The following KCNH7 variants were observed in gnomAD, a reference collection of about 807,000 sequenced individuals.
KCNH7 encodes the protein voltage-gated inwardly rectifying potassium channel KCNH7.
A neutral mutation model predicts 120.8 loss-of-function variants in KCNH7; 49 were observed. The observed-to-expected ratio is 0.41, with a 90% CI of 0.32 to 0.51. KCNH7 has a LOEUF of 0.51. Among genes scored for constraint, KCNH7 ranks in the 20% least tolerant of loss-of-function variants. KCNH7 has a pLI of 0.38. For missense variants in KCNH7, 1,097 were observed against 1,446.6 expected (o/e 0.76, Z 3.92); for synonymous variants, 547 against 516.1 (o/e 1.06, Z -0.81).
intron 2 of KCNH7, among the ~76,000 whole-genome samples, chr2:162,614,005 A>G (rs1044352469): frequency 2.0e-5 from 3 of 151,942 alleles, no homozygotes; most frequent in African/African-American, 7.2e-5. Context: ...GAGTACAAAG[A>G]AACTGAGCCT....
rs77620241 is a variant in KCNH7 at position 162,377,942 on chromosome 2, A to G, written c.3131+1911T>C. Among the ~76,000 whole-genome samples the G allele has an allele frequency of 6.7e-3, 1,021 of 152,312 alleles. 8 individuals carry two copies. Among genetic ancestry groups the G allele is most frequent in the African/African-American group, 0.024 (981 of 41,574 alleles). On this transcript the variant is annotated intron_variant, in intron 14 of 15. Coordinates refer to ENST00000332142, the MANE Select transcript of KCNH7 (RefSeq NM_033272.4). ...GGTGATTGCACGCCAAATGGATCATAAATGTGCCCTTAGAACAAATGTTTT... is the reference window on the plus strand; with the variant it reads ...GGTGATTGCACGCCAAATGGATCATGAATGTGCCCTTAGAACAAATGTTTT...
chr2:162,445,924 A>C, intron 7 of KCNH7, 94 bp downstream of exon 7: 2 of 941,790 alleles, frequency 2.1e-6, no homozygotes, highest in South Asian at 1.8e-5. Flanking sequence ...GAGATACAAG[A>C]AGCTTGCAAA....
At chr2:162,594,953 G>A (rs1694327882) in intron 2 of KCNH7, among the ~76,000 whole-genome samples, 1 of 152,000 alleles carries the variant, frequency 6.6e-6, no homozygotes, top group Non-Finnish European at 1.5e-5. Context: ...CCATGATCAA[G>A]TGGGATTTAT....
intron 3 of KCNH7, among the ~76,000 whole-genome samples, chr2:162,527,041 G>A (rs79160416): frequency 0.08 from 12,141 of 151,982 alleles, 521 homozygotes; most frequent in East Asian, 0.12. Flanking sequence ...TCCGTTCGGG[G>A]TCCCTGACTT....
intron 2 of KCNH7, among the ~76,000 whole-genome samples, chr2:162,575,695 A>G (rs977418131): frequency 1.3e-5 from 2 of 152,088 alleles, no homozygotes; most frequent in Admixed American, 1.3e-4. Flanking sequence ...GGCCACTATT[A>G]TCTGCTCAGT....
intron 6 of KCNH7, 50 bp from the exon 7 acceptor site, chr2:162,446,493 T>C (rs199964405): frequency 7.3e-7 from 1 of 1,361,636 alleles, no homozygotes; most frequent in Non-Finnish European, 1.0e-6. Context: ...CCATTTTTAA[T>C]CTGGTAAACC....
chr2:162,572,159 C>T (rs981691244), intron 2 of KCNH7, among the ~76,000 whole-genome samples: 23 of 151,986 alleles, frequency 1.5e-4, no homozygotes, highest in African/African-American at 5.3e-4. Context: ...TGACAAAGGG[C>T]TAATATCCAG....
chr2:162,517,660 CA>C, intron 4 of KCNH7, 69 bp downstream of exon 4: 3 of 1,300,640 alleles, frequency 2.3e-6, no homozygotes, highest in Non-Finnish European at 3.2e-6. Flanking sequence ...GTTGAAATTT[CA>C]AACAATATGC....
intron 2 of KCNH7, among the ~76,000 whole-genome samples, chr2:162,661,046 T>G (rs1216935438): frequency 1.3e-5 from 2 of 152,230 alleles, no homozygotes; most frequent in African/African-American, 4.8e-5. Context: ...ATTATTATTT[T>G]GAAGAAACTA....
At chr2:162,649,959 G>A (rs753518589) in intron 2 of KCNH7, among the ~76,000 whole-genome samples, 6 of 152,256 alleles carry the variant, frequency 3.9e-5, no homozygotes, top group African/African-American at 9.6e-5. Flanking sequence ...ATTAGGTAAA[G>A]CAAAGGAATG....
chr2:162,566,296 T>A (rs1267848646), intron 2 of KCNH7, among the ~76,000 whole-genome samples: 1 of 152,098 alleles, frequency 6.6e-6, no homozygotes. Flanking sequence ...TCTGTTTTTG[T>A]GTAAAGCATG....
chr2:162,657,147 T>C (rs1032660543), intron 2 of KCNH7, among the ~76,000 whole-genome samples: 4 of 152,226 alleles, frequency 2.6e-5, no homozygotes, highest in Non-Finnish European at 4.4e-5. Context: ...TGAACCTACA[T>C]TGATGTACCA....
At chr2:162,776,023 G>T (rs1171414676) in intron 2 of KCNH7, among the ~76,000 whole-genome samples, 1 of 152,156 alleles carries the variant, frequency 6.6e-6, no homozygotes, top group East Asian at 1.9e-4. Context: ...ACAACATCTG[G>T]CTCATAAGCA....
intron 2 of KCNH7, among the ~76,000 whole-genome samples, chr2:162,747,959 G>A (rs923475970): frequency 2.6e-5 from 4 of 152,048 alleles, no homozygotes; most frequent in Non-Finnish European, 4.4e-5. Flanking sequence ...GGCTTTCTTG[G>A]CAGCCCCTTT....
intron 12 of KCNH7, among the ~76,000 whole-genome samples, chr2:162,393,256 G>T (rs1280847740): frequency 6.6e-6 from 1 of 151,972 alleles, no homozygotes; most frequent in African/African-American, 2.4e-5. Context: ...TTTAGGAAAT[G>T]TTGAGTTCGA....
At chr2:162,568,397 C>A (rs1405434701) in intron 2 of KCNH7, among the ~76,000 whole-genome samples, 1 of 151,976 alleles carries the variant, frequency 6.6e-6, no homozygotes, top group African/African-American at 2.4e-5. Flanking sequence ...GTAGGCTGTA[C>A]CTTCTAGATT....
intron 6 of KCNH7, among the ~76,000 whole-genome samples, chr2:162,471,248 A>T (rs1314662273): frequency 2.1e-5 from 2 of 93,696 alleles, no homozygotes; most frequent in Non-Finnish European, 2.0e-5. Context: ...TCAATAAATT[A>T]AAAAAAAAAA....
At chr2:162,556,628 A>G (rs1227236940) in intron 2 of KCNH7, among the ~76,000 whole-genome samples, 1 of 152,204 alleles carries the variant, frequency 6.6e-6, no homozygotes, top group Non-Finnish European at 1.5e-5. Context: ...TGGACATTTG[A>G]AAATCCATCT....
At chr2:162,410,179 A>G (rs1214411288) in intron 9 of KCNH7, among the ~76,000 whole-genome samples, 19 of 152,092 alleles carry the variant, frequency 1.2e-4, no homozygotes, top group Non-Finnish European at 1.2e-4. Flanking sequence ...ACTTCAAACT[A>G]TACTACAAGG....
Sources: gnomAD v4.1 joint callset for allele counts (sites outside exome capture counted in the v4.1 genomes callset) on GRCh38, gnomAD v4.1.1 for gene constraint, MANE v1.5 for transcripts, NCBI Gene and HGNC (gene_info 2026-07-23, HGNC 2026-07-21) for gene names.